TTLL7: variants seen among roughly 807,000 people sequenced by gnomAD.
TTLL7 encodes the protein tubulin tyrosine ligase like 7.
In TTLL7, 53 loss-of-function variants were observed where a neutral mutation model predicts 120.2. That is an observed-to-expected ratio of 0.44 (90% CI 0.35 to 0.55). The LOEUF is 0.55. Ranked by LOEUF, TTLL7 falls within the 20% of genes least tolerant of loss-of-function variation. TTLL7 has a pLI of 0.00. For missense variants in TTLL7, 803 were observed against 1,054.7 expected, an observed-to-expected ratio of 0.76 and a Z score of 3.31; for synonymous variants, 353 against 351.7, an observed-to-expected ratio of 1.00 and a Z score of -0.04.
In TTLL7 at chr1:83,883,064, G is replaced by A. The variant is rs1268516009; in HGVS notation, c.2442C>T (p.Arg814=). ...GGCACTGTTTACAAAGCTCCACTAGGCGCTGGCAACACTGGAGCTGCAAAG... is the reference window on the plus strand; with the variant it reads ...GGCACTGTTTACAAAGCTCCACTAGACGCTGGCAACACTGGAGCTGCAAAG... The part of the protein sequence containing the change: ...VTPLQLQCCQ[R]LVELCKQCLL... The change falls in exon 20 of 21, where the codon CGC becomes CGT. Residue 814 remains arginine (R), a synonymous_variant. Transcript: ENST00000260505. The A allele has an allele frequency of 6.2e-7, 1 of 1,612,542 alleles. No homozygotes were observed. Among genetic ancestry groups the A allele is most frequent in the Admixed American group, 1.7e-5 (1 of 59,826 alleles).
intron 14 of TTLL7, among the ~76,000 whole-genome samples, chr1:83,915,934 C>A (rs1472588885): frequency 6.6e-6 from 1 of 152,206 alleles, no homozygotes; most frequent in Admixed American, 6.5e-5. Context: ...ATCAAAACCA[C>A]AATGAGATAC....
intron 6 of TTLL7, among the ~76,000 whole-genome samples, chr1:83,945,045 G>A (rs958478183): frequency 6.6e-6 from 1 of 152,048 alleles, no homozygotes; most frequent in African/African-American, 2.4e-5. Flanking sequence ...TGGTACAGAA[G>A]AAAATATCTA....
At chr1:83,978,496 T>C (rs1280029786) in intron 1 of TTLL7, among the ~76,000 whole-genome samples, 1 of 152,174 alleles carries the variant, frequency 6.6e-6, no homozygotes, top group Admixed American at 6.5e-5. Flanking sequence ...TTTTACATAT[T>C]GAAAAGAATG....
chr1:83,908,771 C>A (rs998127924), intron 15 of TTLL7, among the ~76,000 whole-genome samples: 4 of 151,712 alleles, frequency 2.6e-5, no homozygotes, highest in African/African-American at 7.3e-5. Flanking sequence ...TCACATGAAG[C>A]CAGGTTGAAT....
intron 20 of TTLL7, among the ~76,000 whole-genome samples, chr1:83,875,136 G>A (rs2100696691): frequency 6.6e-6 from 1 of 151,888 alleles, no homozygotes. Flanking sequence ...TAGCATCCCA[G>A]AGCCCTGGAT....
intron 14 of TTLL7, 132 bp from the exon 15 acceptor site, chr1:83,911,495 A>G: frequency 2.9e-6 from 2 of 698,388 alleles, no homozygotes; most frequent in East Asian, 5.4e-5. Context: ...CCCAAATACT[A>G]TTGCTGCCAT....
intron 15 of TTLL7, among the ~76,000 whole-genome samples, chr1:83,909,959 G>A (rs993136432): frequency 6.6e-6 from 1 of 152,008 alleles, no homozygotes; most frequent in Non-Finnish European, 1.5e-5. Context: ...CAGAAAAAAG[G>A]AAGCAAATGA....
chr1:83,995,643 T>C (rs972635815), intron 1 of TTLL7, among the ~76,000 whole-genome samples: 1 of 152,160 alleles, frequency 6.6e-6, no homozygotes, highest in Non-Finnish European at 1.5e-5. Flanking sequence ...TATTTATTTA[T>C]AGCAATGCAA....
intron 1 of TTLL7, 61 bp from the exon 2 acceptor site, chr1:83,952,448 T>A: frequency 2.4e-6 from 1 of 414,176 alleles, no homozygotes; most frequent in Non-Finnish European, 4.3e-6. Context: ...TTTTCATATA[T>A]GCCAAGACTA....
chr1:83,949,919 T>C lies in TTLL7; in HGVS notation c.225A>G (p.Ile75Met). 1.2e-6 allele frequency: 2 copies of C among 1,613,702 alleles called. No individual in the cohort carries two copies. The highest frequency in any genetic ancestry group is 1.7e-6 in the Non-Finnish European group (2 of 1,179,838). Residue 75 changes from isoleucine (I) to methionine (M), a missense_variant, in exon 4 of 21, where the codon ATA (isoleucine) becomes ATG (methionine). Physicochemically the swap from Ile to Met is conservative, Grantham distance 10 (BLOSUM62 1). Transcript: ENST00000260505. ...CCTGCTGAACAGCAGAATCACACCA[T>C]ATAAGATTACTTGTTTCATCCTCAT... ...TPDEDETSNL[I>M]WCDSAVQQEK...
chr1:83,937,556 A>T (rs113204417), intron 8 of TTLL7, among the ~76,000 whole-genome samples: 60 of 152,132 alleles, frequency 3.9e-4, no homozygotes, highest in African/African-American at 1.4e-3. Flanking sequence ...AGGCTATACC[A>T]TATACAGGCT....
intron 1 of TTLL7, among the ~76,000 whole-genome samples, chr1:83,987,671 A>C (rs1652601409): frequency 6.6e-6 from 1 of 152,228 alleles, no homozygotes; most frequent in Non-Finnish European, 1.5e-5. Flanking sequence ...CTACACAAGC[A>C]ACAAAAGCAA....
In TTLL7 at chr1:83,911,813, CTGTG is replaced by C. The variant is rs1351119163; in HGVS notation, c.1588-454_1588-451del. ...TATGCATGTGCACGTGCAAGTGCAT[CTGTG>C]TGTGTATGTGTGTGGTGTGTGTGTG... On this transcript the variant is annotated intron_variant, in intron 14 of 20. Coordinates refer to ENST00000260505, the MANE Select transcript of TTLL7 (RefSeq NM_024686.6). 5.3e-5 allele frequency among the ~76,000 whole-genome samples: 8 copies of C among 151,314 alleles called. No individual in the cohort carries two copies. The East Asian group carries it at 1.4e-3, about 26-fold the overall frequency.
At chr1:83,933,311 G>A (rs1659763237) in intron 9 of TTLL7, among the ~76,000 whole-genome samples, 1 of 152,144 alleles carries the variant, frequency 6.6e-6, no homozygotes, top group Admixed American at 6.6e-5. Context: ...AGGAGGCTGA[G>A]AAAATAGTAG....
intron 1 of TTLL7, among the ~76,000 whole-genome samples, chr1:83,997,329 C>A (rs985008955): frequency 1.3e-5 from 2 of 152,140 alleles, no homozygotes; most frequent in Non-Finnish European, 2.9e-5. Context: ...AAGAAAAAAT[C>A]TGTAAGTCGC....
At chr1:83,874,624 ACAT>A (rs1653750133) in intron 20 of TTLL7, among the ~76,000 whole-genome samples, 1 of 152,068 alleles carries the variant, frequency 6.6e-6, no homozygotes, top group Admixed American at 6.6e-5. Context: ...CTCCACATCC[ACAT>A]CCTTGCCAAC....
intron 18 of TTLL7, among the ~76,000 whole-genome samples, chr1:83,892,541 A>AACATATAT (rs1655702942): frequency 1.3e-5 from 1 of 75,082 alleles, no homozygotes; most frequent in African/African-American, 4.2e-5. Context: ...TGAACATATG[A>AACATATAT]ATGAACATAT....
In TTLL7 at chr1:83,907,676, G is replaced by A. The variant is rs774310220; in HGVS notation, c.1787-15C>T. ...TCTTATGGAGCCTATCAGTGATGGA[G>A]AAGAGGGATACTACAGTAGCAGTAT... On this transcript the variant is annotated splice_polypyrimidine_tract_variant and intron_variant, in intron 15 of 20. Transcript: ENST00000260505. 3 of 1,609,292 alleles carry A rather than the reference G, an allele frequency of 1.9e-6. No homozygotes were observed. In the South Asian group the frequency reaches 3.3e-5, roughly 18 times the overall value.
intron 14 of TTLL7, among the ~76,000 whole-genome samples, chr1:83,914,424 C>T (rs1657945284): frequency 6.6e-6 from 1 of 150,604 alleles, no homozygotes; most frequent in African/African-American, 2.4e-5. Flanking sequence ...CTCTGCCTCC[C>T]ACGTTCAAGC....
Sources: gnomAD v4.1 joint callset for allele counts (sites outside exome capture counted in the v4.1 genomes callset) on GRCh38, gnomAD v4.1.1 for gene constraint, MANE v1.5 for transcripts, NCBI Gene and HGNC (gene_info 2026-07-23, HGNC 2026-07-21) for gene names.